Variants in TACR1 observed in about 807,000 individuals in gnomAD.
The protein encoded by TACR1 is tachykinin receptor 1.
TACR1 carries 25 observed loss-of-function variants against 35.8 expected under a neutral mutation model. That is an observed-to-expected ratio of 0.70 (90% CI 0.51 to 0.98). TACR1 has a LOEUF of 0.98. Ranked by LOEUF, TACR1 falls within the 50% of genes least tolerant of loss-of-function variation. The pLI is 0.00. For synonymous variants in TACR1, 195 were observed against 206.7 expected (o/e 0.94, Z 0.48); for missense variants, 478 against 522.9 (o/e 0.91, Z 0.84).
chr2:75,152,048 G>T (rs1674686716), intron 1 of TACR1, among the ~76,000 whole-genome samples: 1 of 152,194 alleles, frequency 6.6e-6, no homozygotes, highest in Admixed American at 6.5e-5. Flanking sequence ...TACCCCCATT[G>T]TGTCTAGGCA....
At chr2:75,118,342 G>T (rs563738030) in intron 2 of TACR1, among the ~76,000 whole-genome samples, 1 of 152,074 alleles carries the variant, frequency 6.6e-6, no homozygotes, top group African/African-American at 2.4e-5. Flanking sequence ...ATTTACTATT[G>T]TATCAATAAA....
intron 1 of TACR1, among the ~76,000 whole-genome samples, chr2:75,193,114 T>C (rs1431309152): frequency 6.6e-6 from 1 of 152,122 alleles, no homozygotes; most frequent in Non-Finnish European, 1.5e-5. Flanking sequence ...CTCCTTCTTC[T>C]TCTCCTTTTA....
chr2:75,133,743 A>G (rs574114986), intron 1 of TACR1, among the ~76,000 whole-genome samples: 1 of 152,288 alleles, frequency 6.6e-6, no homozygotes, highest in South Asian at 2.1e-4. Flanking sequence ...GGACATCTGA[A>G]CCAGAGTAAC....
At chr2:75,053,224 C>T (rs1040664925) in intron 3 of TACR1, among the ~76,000 whole-genome samples, 10 of 152,138 alleles carry the variant, frequency 6.6e-5, no homozygotes, top group South Asian at 6.2e-4. Context: ...ACCCCTGATC[C>T]GTTCTTCATC....
rs192842575 is a variant in TACR1 at position 75,138,016 on chromosome 2, C to T, written c.390-17248G>A. On this transcript the variant is annotated intron_variant, in intron 1 of 4. Coordinates refer to ENST00000305249, the MANE Select transcript of TACR1 (RefSeq NM_001058.4). ...AGCTTAATAGCTTCAATGGATAAAA[C>T]GGCACTGACTCAGAATGCCAGTAGT... is the stretch of plus-strand genomic sequence containing the variant. Among the ~76,000 whole-genome samples the T allele has an allele frequency of 1.5e-3, 231 of 152,270 alleles. 1 individual carries two copies. The highest frequency in any genetic ancestry group is 4.4e-3 in the African/African-American group (181 of 41,560).
At chr2:75,197,601 A>G (rs1186300802) in intron 1 of TACR1, among the ~76,000 whole-genome samples, 5 of 152,084 alleles carry the variant, frequency 3.3e-5, no homozygotes, top group African/African-American at 1.2e-4. Context: ...CCAATAATCA[A>G]TTTTCCATCA....
chr2:75,073,236 AC>A, intron 2 of TACR1, among the ~76,000 whole-genome samples: 1 of 152,152 alleles, frequency 6.6e-6, no homozygotes, highest in African/African-American at 2.4e-5. Flanking sequence ...GTGTTCCTAA[AC>A]CCAGCAGTCT....
chr2:75,166,003 C>A (rs906120779), intron 1 of TACR1, among the ~76,000 whole-genome samples: 13 of 152,318 alleles, frequency 8.5e-5, no homozygotes, highest in African/African-American at 2.6e-4. Flanking sequence ...AAGTCCTTAA[C>A]CTTTAATTAA....
intron 1 of TACR1, among the ~76,000 whole-genome samples, chr2:75,128,428 G>T (rs76775346): frequency 7.6e-4 from 116 of 152,268 alleles, no homozygotes; most frequent in Non-Finnish European, 1.6e-3. Context: ...TATCACTAAG[G>T]TCTGATGTGA....
At chr2:75,130,081 T>C (rs1674148239) in intron 1 of TACR1, among the ~76,000 whole-genome samples, 1 of 152,246 alleles carries the variant, frequency 6.6e-6, no homozygotes, top group African/African-American at 2.4e-5. Flanking sequence ...TTGTTAATCA[T>C]AGATTTTTGT....
chr2:75,053,893 C>A, intron 2 of TACR1, 138 bp from the exon 3 acceptor site: 2 of 1,160,058 alleles, frequency 1.7e-6, no homozygotes, highest in Middle Eastern at 2.4e-4. Flanking sequence ...GGCTGTAAAG[C>A]CCACTCCAGG....
intron 4 of TACR1, 65 bp from the exon 5 acceptor site, chr2:75,049,788 T>A (rs948258565): frequency 7.4e-5 from 111 of 1,507,590 alleles, no homozygotes; most frequent in Non-Finnish European, 9.3e-5. Flanking sequence ...TGCCCACCAC[T>A]GCATCAGCTT....
chr2:75,078,719 A>G (rs1377164765), intron 2 of TACR1, among the ~76,000 whole-genome samples: 2 of 152,194 alleles, frequency 1.3e-5, no homozygotes, highest in Non-Finnish European at 1.5e-5. Context: ...TTTTCTTTGC[A>G]TCAGAAGAGC....
At chr2:75,177,156 G>A (rs775744692) in intron 1 of TACR1, among the ~76,000 whole-genome samples, 1 of 148,612 alleles carries the variant, frequency 6.7e-6, no homozygotes, top group African/African-American at 2.5e-5. Flanking sequence ...TTCTCTTTCA[G>A]ACCCCACCCC....
intron 1 of TACR1, among the ~76,000 whole-genome samples, chr2:75,190,272 T>C (rs1675810063): frequency 6.6e-6 from 1 of 152,158 alleles, no homozygotes; most frequent in African/African-American, 2.4e-5. Flanking sequence ...GGATTGGAAA[T>C]GAATGCTTAG....
chr2:75,092,331 A>G (rs1019309695), intron 2 of TACR1, among the ~76,000 whole-genome samples: 2 of 152,002 alleles, frequency 1.3e-5, no homozygotes, highest in Non-Finnish European at 2.9e-5. Flanking sequence ...TTAATTTCCA[A>G]ACTCATGACC....
intron 2 of TACR1, among the ~76,000 whole-genome samples, chr2:75,069,362 T>C (rs914596161): frequency 6.6e-6 from 1 of 151,448 alleles, no homozygotes; most frequent in Non-Finnish European, 1.5e-5. Flanking sequence ...ATATAGTGAG[T>C]TTTAAAAAAT....
chr2:75,051,558 T>C (rs2103779770), intron 3 of TACR1, 111 bp from the exon 4 acceptor site: 2 of 1,516,356 alleles, frequency 1.3e-6, no homozygotes, highest in South Asian at 2.5e-5. Context: ...AAGCGAGAAG[T>C]ATTTAAAAGA....
intron 2 of TACR1, among the ~76,000 whole-genome samples, chr2:75,117,285 A>T (rs1254852422): frequency 6.6e-6 from 1 of 152,238 alleles, no homozygotes; most frequent in Non-Finnish European, 1.5e-5. Flanking sequence ...ACGTTAGTAA[A>T]GAGTTTGAAT....
Sources: allele counts gnomAD v4.1 joint callset (sites outside exome capture counted in the v4.1 genomes callset), GRCh38; gene constraint gnomAD v4.1.1; transcripts MANE v1.5; gene names NCBI Gene and HGNC (gene_info 2026-07-23, HGNC 2026-07-21).